TTN: variants seen among roughly 807,000 people sequenced by gnomAD.
The protein encoded by TTN is titin, also known as connectin.
In TTN, 1,525 loss-of-function variants were observed where a neutral mutation model predicts 3,223.0. The ratio of observed to expected loss-of-function variants is 0.47; its 90% CI spans 0.45 to 0.49. TTN has a LOEUF of 0.49. Ranked by LOEUF, TTN falls within the 20% of genes least tolerant of loss-of-function variation. The probability of loss-of-function intolerance (pLI) is 0.00; values close to 1 mark genes in which losing one functional copy is unlikely to be tolerated. For synonymous variants in TTN, 14,094 were observed against 15,161.0 expected, an observed-to-expected ratio of 0.93 and a Z score of 5.17; for missense variants, 40,786 against 43,424.0, an observed-to-expected ratio of 0.94 and a Z score of 5.40.
At chr2:178,684,206 A>G in intron 132 of TTN, 124 bp from the exon 133 acceptor site, 1 of 1,363,314 alleles carries the variant, frequency 7.3e-7, no homozygotes, top group Non-Finnish European at 1.0e-6. Context: ...TAAAACAACA[A>G]CTGTAACAAC....
At chr2:178,688,027 CTT>C (rs2071348998) in intron 127 of TTN, 82 bp downstream of exon 127, 1 of 1,124,714 alleles carries the variant, frequency 8.9e-7, no homozygotes, top group Non-Finnish European at 1.3e-6. Flanking sequence ...TTTTCTGTCT[CTT>C]TTCATTGGTC....
At position 178,561,511 on chromosome 2, in the gene TTN, G is replaced by A. The variant is rs1042976789; in HGVS notation, c.84621C>T (p.Ile28207=). 6.2e-7 allele frequency: 1 copy of A among 1,613,384 alleles called. No homozygotes were observed. Among genetic ancestry groups the A allele is most frequent in the African/African-American group, 1.3e-5 (1 of 74,884 alleles). Reference sequence around the variant, plus strand: ...CTTTCATTTGAGTATCAGCAATGAGGATTTTATTTGCTTTTGACCAAAGAA... The same window carrying A: ...CTTTCATTTGAGTATCAGCAATGAGAATTTTATTTGCTTTTGACCAAAGAA... ...SSILWSKANK[I]LIADTQMKVS... is the part of the protein sequence containing the mutation. The change falls in exon 326 of 363, where the codon ATC becomes ATT. Residue 28207 remains isoleucine (I), a synonymous_variant. Transcript: ENST00000589042.
At position 178,739,678 on chromosome 2, in the gene TTN, T is replaced by C. The variant is rs759140842; in HGVS notation, c.13555A>G (p.Ile4519Val). ...SFSGSQKVEP[I>V]TEPEVESKYL... is the part of the protein sequence containing the mutation. The stretch of plus-strand genomic sequence containing the variant: ...TTAGATTCAACTTCTGGTTCAGTAA[T>C]GGGTTCAACCTTCTGTGAACCTGAA... The change falls in exon 48 of 363, where the codon ATT becomes GTT. Residue 4519 changes from isoleucine (I) to valine (V), a missense_variant. Physicochemically the swap from Ile to Val is conservative, Grantham distance 29. Coordinates refer to ENST00000589042, the MANE Select transcript of TTN (RefSeq NM_001267550.2). The C allele has an allele frequency of 1.5e-5, 24 of 1,613,820 alleles. No individual in the cohort carries two copies. The highest frequency in any genetic ancestry group is 2.0e-5 in the Non-Finnish European group (24 of 1,179,858).
In TTN at chr2:178,542,886, G is replaced by A. The variant is rs1695272344; in HGVS notation, c.96968C>T (p.Pro32323Leu). 1 of 1,613,474 alleles carries A rather than the reference G, an allele frequency of 6.2e-7. No homozygotes were observed. The highest frequency in any genetic ancestry group is 1.7e-5 in the Admixed American group (1 of 59,990). Residue 32323 changes from proline (P) to leucine (L), a missense_variant, in exon 348 of 363, where the codon CCA (proline) becomes CTA (leucine). Transcript: ENST00000589042. ...AGCAATAGGTATCACCAGCTCTACTGGTCTGCCAGCTGGGACATGGATGGT... is the reference window on the plus strand; with the variant it reads ...AGCAATAGGTATCACCAGCTCTACTAGTCTGCCAGCTGGGACATGGATGGT... ...QKTIHVPAGR[P>L]VELVIPIAGR...
Position 178,598,539 on chromosome 2 carries a change from T to G in TTN, c.57078A>C (p.Glu19026Asp). 6.2e-7 allele frequency: 1 copy of G among 1,609,206 alleles called. No homozygotes were observed. The highest frequency in any genetic ancestry group is 8.5e-7 in the Non-Finnish European group (1 of 1,178,718). Reference sequence around the variant, plus strand: ...ATTCTTCTTTTCCTTCTTCTTTATATTCAACGATGTATCCAGTTACTTTGG... The same window carrying G: ...ATTCTTCTTTTCCTTCTTCTTTATAGTCAACGATGTATCCAGTTACTTTGG... ...GGSKVTGYIV[E>D]YKEEGKEEWE... is the part of the protein sequence containing the mutation. Residue 19026 changes from glutamate (E) to aspartate (D), a missense_variant, in exon 292 of 363, where the codon GAA (glutamate) becomes GAC (aspartate). Glu to Asp is a conservative substitution (Grantham distance 45). Coordinates refer to ENST00000589042, the MANE Select transcript of TTN (RefSeq NM_001267550.2).
chr2:178,767,585 G>C (rs182072301), intron 40 of TTN, among the ~76,000 whole-genome samples, 174 bp downstream of exon 40: 95 of 152,298 alleles, frequency 6.2e-4, no homozygotes, highest in African/African-American at 2.2e-3. Flanking sequence ...TCCCTGAGTG[G>C]AAACTGTGAC....
intron 136 of TTN, 88 bp from the exon 137 acceptor site, chr2:178,681,538 A>G (rs551929919): frequency 2.7e-6 from 4 of 1,462,250 alleles, no homozygotes; most frequent in African/African-American, 1.4e-5. Context: ...AGACAAATAC[A>G]ACATAATATT....
At chr2:178,699,274 AAG>A (rs1328949188) in intron 111 of TTN, among the ~76,000 whole-genome samples, 1 of 151,970 alleles carries the variant, frequency 6.6e-6, no homozygotes, top group East Asian at 1.9e-4. Flanking sequence ...TGTTAGGAGG[AAG>A]AGTAACAAGT....
At chr2:178,778,608 G>A (rs777549466) in intron 24 of TTN, 99 of 471,874 alleles carry the variant, frequency 2.1e-4, no homozygotes, top group Admixed American at 3.7e-4. Flanking sequence ...ATTTACATAT[G>A]TAAAAATCAG....
chr2:178,719,562 T>C lies in TTN; in HGVS notation c.23930A>G (p.His7977Arg), dbSNP rs1357770681. 3 of 1,604,198 alleles carry C rather than the reference T, an allele frequency of 1.9e-6. No homozygotes were observed. The highest frequency in any genetic ancestry group is 2.6e-6 in the Non-Finnish European group (3 of 1,173,064). Residue 7977 changes from histidine to arginine, a missense_variant, in exon 82 of 363, where the codon CAT becomes CGT. His to Arg is a conservative substitution (Grantham distance 29, BLOSUM62 0). Coordinates refer to ENST00000589042, the MANE Select transcript of TTN (RefSeq NM_001267550.2). ...VGKSNCTVSVHVSDRIVPPSF... is the reference protein window; with the variant it reads ...VGKSNCTVSVRVSDRIVPPSF... ...AATCTCATTCTACTCACCAGAAACATGGACGGATACAGTGCAGTTACTTTT... is the reference window on the plus strand; with the variant it reads ...AATCTCATTCTACTCACCAGAAACACGGACGGATACAGTGCAGTTACTTTT...
chr2:178,540,188 A>G lies in TTN; in HGVS notation c.97978T>C (p.Tyr32660His), dbSNP rs781416687. 1 of 1,613,514 alleles carries G rather than the reference A, an allele frequency of 6.2e-7. No homozygotes were observed. Among genetic ancestry groups the G allele is most frequent in the Non-Finnish European group, 8.5e-7 (1 of 1,179,738 alleles). ...CNTTPTKIRE[Y>H]TLTHLPQGAE... is the part of the protein sequence containing the mutation. The stretch of plus-strand genomic sequence containing the variant: ...CCCTGAGGTAGGTGTGTTAGAGTAT[A>G]CTCTCGAATCTTGGTTGGAGTGGTG... Residue 32660 changes from tyrosine (Y) to histidine (H), a missense_variant, in exon 351 of 363, where the codon TAT (tyrosine) becomes CAT (histidine). By Grantham distance (83) the Tyr-to-His change is moderately conservative. Coordinates refer to ENST00000589042, the MANE Select transcript of TTN (RefSeq NM_001267550.2).
rs760227283 is a variant in TTN at position 178,653,355 on chromosome 2, T to C, written c.38708-34A>G. The stretch of plus-strand genomic sequence containing the variant: ...ATATTAGTAAAGTTACATGTAGAGC[T>C]ATGGAGACTACTAGCAAAATATACA... On this transcript the variant is annotated intron_variant, in intron 197 of 362. Coordinates refer to ENST00000589042, the MANE Select transcript of TTN (RefSeq NM_001267550.2). The C allele has an allele frequency of 2.0e-5, 32 of 1,609,972 alleles. 1 individual carries two copies. In the South Asian group the frequency reaches 3.4e-4, roughly 17 times the overall value.
chr2:178,741,976 A>G, intron 47 of TTN, 55 bp from the exon 48 acceptor site: 1 of 1,252,778 alleles, frequency 8.0e-7, no homozygotes, highest in East Asian at 2.9e-5. Flanking sequence ...TAATATAAAA[A>G]TAGAAATCAA....
chr2:178,717,034 T>C, intron 88 of TTN, 61 bp downstream of exon 88: 1 of 1,529,386 alleles, frequency 6.5e-7, no homozygotes, highest in Non-Finnish European at 8.8e-7. Context: ...ACACCCACCC[T>C]CCTATATTTT....
In TTN at chr2:178,569,640, G is replaced by A. The variant is rs377754701; in HGVS notation, c.76492C>T (p.Pro25498Ser). ...GVGEHADVPG[P>S]IIVEEKLEAP... ...TCTAATTTTTCTTCAACTATAATAG[G>A]TCCAGGGACGTCAGCATGTTCTCCA... The change falls in exon 326 of 363, where the codon CCT (proline) becomes TCT (serine). Residue 25498 changes from proline to serine, a missense_variant. By Grantham distance (74) the Pro-to-Ser change is moderately conservative. Coordinates refer to ENST00000589042, the MANE Select transcript of TTN (RefSeq NM_001267550.2). The A allele has an allele frequency of 1.9e-6, 3 of 1,611,722 alleles. No individual in the cohort carries two copies. In the African/African-American group the frequency reaches 4.0e-5, roughly 22 times the overall value.
intron 330 of TTN, chr2:178,555,431 G>T (rs992576742): frequency 5.7e-6 from 2 of 350,492 alleles, no homozygotes; most frequent in Non-Finnish European, 1.0e-5. Context: ...AATGGGATAT[G>T]GTAGTGAGAA....
Position 178,591,690 on chromosome 2 carries a change from T to C in TTN, c.60129A>G (p.Gly20043=), listed in dbSNP as rs941127366. 1.2e-6 allele frequency: 2 copies of C among 1,613,468 alleles called. No individual in the cohort carries two copies. The highest frequency in any genetic ancestry group is 8.5e-7 in the Non-Finnish European group (1 of 1,179,582). The part of the protein sequence containing the change: ...LECVVTGLQQ[G]KTYRFRVKAE... The stretch of plus-strand genomic sequence containing the variant: ...CTTTTACACGGAATCTATAGGTCTT[T>C]CCTTGTTGTAGTCCAGTAACCACAC... The change falls in exon 303 of 363, where the codon GGA becomes GGG. Residue 20043 remains glycine (G), a synonymous_variant. Coordinates refer to ENST00000589042, the MANE Select transcript of TTN (RefSeq NM_001267550.2).
chr2:178,727,835 C>G lies in TTN; in HGVS notation c.19743G>C (p.Gly6581=). 1 of 1,598,870 alleles carries G rather than the reference C, an allele frequency of 6.3e-7. No individual in the cohort carries two copies. Among genetic ancestry groups the G allele is most frequent in the Non-Finnish European group, 8.5e-7 (1 of 1,172,532 alleles). ...TAGAATCAGGTATGGCTTGCTGTCG[C>G]CCAGGTTTCACTAGGAAGCTTGGTG... is the stretch of plus-strand genomic sequence containing the variant. ...KEPPSFLVKP[G]RQQAIPDSTV... The change falls in exon 68 of 363, where the codon GGG becomes GGC. Residue 6581 remains glycine, a synonymous_variant. Transcript: ENST00000589042.
chr2:178,647,304 G>C, intron 214 of TTN, 77 bp downstream of exon 214: 1 of 1,462,296 alleles, frequency 6.8e-7, no homozygotes, highest in Non-Finnish European at 9.3e-7. Flanking sequence ...AGACAAATAC[G>C]TAAGATTCAT....
Sources: allele counts gnomAD v4.1 joint callset (sites outside exome capture counted in the v4.1 genomes callset), GRCh38; gene constraint gnomAD v4.1.1; transcripts MANE v1.5; gene names NCBI Gene and HGNC (gene_info 2026-07-23, HGNC 2026-07-21).